Variants in CACNA2D3 observed in about 807,000 individuals in gnomAD.
CACNA2D3 encodes voltage-dependent calcium channel subunit alpha-2/delta-3.
In CACNA2D3, 60 loss-of-function variants were observed where a neutral mutation model predicts 160.6. The observed-to-expected ratio is 0.37, with a 90% CI of 0.30 to 0.46. The LOEUF (loss-of-function observed/expected upper bound fraction) is 0.46. Ranked by LOEUF, CACNA2D3 falls within the 20% of genes least tolerant of loss-of-function variation. The pLI is 1.00. For missense variants in CACNA2D3, 1,205 were observed against 1,365.0 expected (o/e 0.88, Z 1.85); for synonymous variants, 558 against 492.9 (o/e 1.13, Z -1.75).
At chr3:54,442,942 C>T (rs538337414) in intron 4 of CACNA2D3, among the ~76,000 whole-genome samples, 1 of 152,244 alleles carries the variant, frequency 6.6e-6, no homozygotes, top group East Asian at 1.9e-4. Flanking sequence ...GAAACCCATT[C>T]CACCATATAG....
intron 34 of CACNA2D3, among the ~76,000 whole-genome samples, chr3:55,010,511 C>G (rs1339684646): frequency 6.6e-6 from 1 of 152,182 alleles, no homozygotes; most frequent in African/African-American, 2.4e-5. Flanking sequence ...AACGCTGGCT[C>G]CAGCAGTCTG....
At chr3:54,218,586 G>A (rs11130402) in intron 2 of CACNA2D3, among the ~76,000 whole-genome samples, 102,863 of 152,080 alleles carry the variant, frequency 0.68, 35,797 homozygotes, top group East Asian at 1. Context: ...TATGACTTGG[G>A]ACAGGATTTT....
intron 11 of CACNA2D3, among the ~76,000 whole-genome samples, chr3:54,705,459 A>G (rs541287924): frequency 3.0e-4 from 46 of 152,310 alleles, no homozygotes; most frequent in African/African-American, 7.9e-4. Flanking sequence ...CAGTGCTGCA[A>G]TTGGTTCTCA....
At chr3:55,007,537 A>G (rs946155242) in intron 32 of CACNA2D3, among the ~76,000 whole-genome samples, 1 of 152,210 alleles carries the variant, frequency 6.6e-6, no homozygotes, top group Non-Finnish European at 1.5e-5. Context: ...CCTCCCACTG[A>G]TAACCCTTGT....
At chr3:54,598,993 T>A (rs1052587611) in intron 9 of CACNA2D3, among the ~76,000 whole-genome samples, 1 of 152,196 alleles carries the variant, frequency 6.6e-6, no homozygotes, top group African/African-American at 2.4e-5. Flanking sequence ...GTTATTTTTA[T>A]GGCAGGTGAC....
chr3:54,141,094 C>CGCGCGCACGT lies in CACNA2D3; in HGVS notation c.204+17505_204+17506insCACGTGCGCG, dbSNP rs768348036. Among the ~76,000 whole-genome samples, 98 of 81,968 alleles carry CGCGCGCACGT rather than the reference C, an allele frequency of 1.2e-3. 2 individuals carry two copies. In the East Asian group the frequency reaches 0.026, roughly 22 times the overall value. The allele number at this position is 81,968 out of a possible 152,430, so 53.8% of individuals were successfully genotyped here. A position where few individuals can be genotyped will look rare whatever the true frequency, so the allele number is the denominator to read the frequency against. On this transcript the variant is annotated intron_variant, in intron 2 of 37. Transcript: ENST00000474759. ...GTGTGTGTGTGTGTGTGTGCGCGCG[C>CGCGCGCACGT]GCGCGTGTGTGCATGCATGCCTGAG...
At chr3:54,409,792 T>A (rs1030676988) in intron 4 of CACNA2D3, among the ~76,000 whole-genome samples, 1 of 152,184 alleles carries the variant, frequency 6.6e-6, no homozygotes, top group African/African-American at 2.4e-5. Context: ...CTCTTTTCAG[T>A]TCTATGAAGG....
At chr3:54,378,615 A>G (rs1390097419) in intron 3 of CACNA2D3, among the ~76,000 whole-genome samples, 1 of 152,182 alleles carries the variant, frequency 6.6e-6, no homozygotes, top group Non-Finnish European at 1.5e-5. Flanking sequence ...TCCTGCGGGG[A>G]CTTTTTAAGT....
intron 11 of CACNA2D3, among the ~76,000 whole-genome samples, chr3:54,716,605 C>T (rs1431509617): frequency 6.6e-6 from 1 of 152,160 alleles, no homozygotes; most frequent in East Asian, 1.9e-4. Flanking sequence ...TTTCTGGTCT[C>T]CTCCTGTCCT....
intron 27 of CACNA2D3, among the ~76,000 whole-genome samples, chr3:54,955,301 C>T (rs1014007799): frequency 1.3e-5 from 2 of 151,968 alleles, no homozygotes; most frequent in Non-Finnish European, 2.9e-5. Flanking sequence ...GATAATGTCC[C>T]GCAGGTAATC....
chr3:54,133,906 G>A (rs73083952), intron 2 of CACNA2D3, among the ~76,000 whole-genome samples: 3,149 of 152,204 alleles, frequency 0.021, 40 homozygotes, highest in South Asian at 0.043. Flanking sequence ...TTAGCGTTCA[G>A]GGCCTCAAGT....
intron 2 of CACNA2D3, among the ~76,000 whole-genome samples, chr3:54,304,704 G>A (rs1703556946): frequency 6.6e-6 from 1 of 152,160 alleles, no homozygotes; most frequent in African/African-American, 2.4e-5. Flanking sequence ...TTATTAGGGA[G>A]GTCAGGACAT....
At chr3:55,048,868 G>A (rs59749763) in intron 35 of CACNA2D3, among the ~76,000 whole-genome samples, 4 of 132,070 alleles carry the variant, frequency 3.0e-5, no homozygotes, top group African/African-American at 1.2e-4. Context: ...CATTTCTTCT[G>A]GATTTTCTAG....
At chr3:54,507,900 A>T (rs1440867972) in intron 5 of CACNA2D3, among the ~76,000 whole-genome samples, 1 of 152,208 alleles carries the variant, frequency 6.6e-6, no homozygotes, top group East Asian at 1.9e-4. Context: ...TGTGCTGAGG[A>T]TTGAACACTT....
At chr3:54,931,155 A>G (rs1158939635) in intron 27 of CACNA2D3, among the ~76,000 whole-genome samples, 1 of 152,202 alleles carries the variant, frequency 6.6e-6, no homozygotes, top group Non-Finnish European at 1.5e-5. Flanking sequence ...ACAGACTTCA[A>G]AGAGTCTGAG....
At chr3:54,590,928 C>G (rs73841693) in intron 9 of CACNA2D3, among the ~76,000 whole-genome samples, 1 of 152,100 alleles carries the variant, frequency 6.6e-6, no homozygotes. Flanking sequence ...GATTGTGGTT[C>G]ACTTTTTAAT....
chr3:54,924,121 C>T (rs1700940756), intron 27 of CACNA2D3, among the ~76,000 whole-genome samples: 2 of 152,178 alleles, frequency 1.3e-5, no homozygotes, highest in Non-Finnish European at 2.9e-5. Flanking sequence ...GAGAGAGGCC[C>T]TGTTGCACCC....
chr3:54,424,566 C>T (rs936857929), intron 4 of CACNA2D3, among the ~76,000 whole-genome samples: 6 of 152,182 alleles, frequency 3.9e-5, no homozygotes, highest in South Asian at 2.1e-4. Flanking sequence ...AGGCTTTTAT[C>T]CTCTGCTGAA....
At chr3:54,465,654 C>T (rs997331727) in intron 4 of CACNA2D3, among the ~76,000 whole-genome samples, 2 of 152,188 alleles carry the variant, frequency 1.3e-5, no homozygotes, top group African/African-American at 2.4e-5. Context: ...TAGCACACAG[C>T]CATGCGTACA....
Sources: gnomAD v4.1 joint callset for allele counts (sites outside exome capture counted in the v4.1 genomes callset) on GRCh38, gnomAD v4.1.1 for gene constraint, MANE v1.5 for transcripts, NCBI Gene and HGNC (gene_info 2026-07-23, HGNC 2026-07-21) for gene names.